The following GALNT17 variants were observed in gnomAD, a reference collection of about 807,000 sequenced individuals.
The protein encoded by GALNT17 is UDP-GalNAc:polypeptide N-acetylgalactosaminyltransferase-like 3.
GALNT17 carries 29 observed loss-of-function variants against 63.7 expected under a neutral mutation model. The ratio of observed to expected loss-of-function variants is 0.46; its 90% CI spans 0.34 to 0.62. The LOEUF (loss-of-function observed/expected upper bound fraction) is 0.62. Ranked by LOEUF, GALNT17 falls within the 20% of genes least tolerant of loss-of-function variation. The pLI is 0.01. For synonymous variants in GALNT17, 305 were observed against 318.3 expected (o/e 0.96, Z 0.45); for missense variants, 603 against 799.6 (o/e 0.75, Z 2.97).
intron 1 of GALNT17, among the ~76,000 whole-genome samples, chr7:71,249,775 T>C (rs906719411): frequency 2.0e-5 from 3 of 152,146 alleles, no homozygotes; most frequent in African/African-American, 7.2e-5. Flanking sequence ...AAGAAATTCA[T>C]AGTTGGTGGT....
chr7:71,637,886 A>T (rs1790550341), intron 6 of GALNT17, among the ~76,000 whole-genome samples: 2 of 152,200 alleles, frequency 1.3e-5, no homozygotes, highest in Admixed American at 1.3e-4. Context: ...CAAGCCATAG[A>T]GTTAAGTGAA....
chr7:71,277,187 G>A lies in GALNT17; in HGVS notation c.239-58363G>A, dbSNP rs74609410. Among the ~76,000 whole-genome samples, 16 of 152,282 alleles carry A rather than the reference G, an allele frequency of 1.1e-4. No homozygotes were observed. In the East Asian group the frequency reaches 2.9e-3, roughly 28 times the overall value. ...AAGGAATGAAATCGTGTCCTTTGCA[G>A]CCACATGGGTAGAGCTGGAGACTGT... On this transcript the variant is annotated intron_variant, in intron 1 of 10. Transcript: ENST00000333538.
chr7:71,529,631 AAG>A (rs1788681907), intron 5 of GALNT17, among the ~76,000 whole-genome samples: 1 of 152,228 alleles, frequency 6.6e-6, no homozygotes, highest in East Asian at 1.9e-4. Context: ...CAGACATATT[AAG>A]AGAGACGGCT....
At chr7:71,234,589 A>G (rs1333687111) in intron 1 of GALNT17, among the ~76,000 whole-genome samples, 1 of 152,118 alleles carries the variant, frequency 6.6e-6, no homozygotes, top group Non-Finnish European at 1.5e-5. Flanking sequence ...TGAAGTACAA[A>G]CCAAGGAGGA....
intron 5 of GALNT17, among the ~76,000 whole-genome samples, chr7:71,441,516 G>A (rs1041280831): frequency 6.6e-6 from 1 of 151,658 alleles, no homozygotes; most frequent in East Asian, 1.9e-4. Flanking sequence ...TTTGCAGAAC[G>A]TGCAGGTTTG....
At chr7:71,297,276 C>T (rs1791099729) in intron 1 of GALNT17, among the ~76,000 whole-genome samples, 1 of 152,242 alleles carries the variant, frequency 6.6e-6, no homozygotes, top group Non-Finnish European at 1.5e-5. Flanking sequence ...GGCACAGTGG[C>T]TCATGCCTGT....
intron 6 of GALNT17, among the ~76,000 whole-genome samples, chr7:71,594,676 G>A (rs1384134608): frequency 6.6e-6 from 1 of 152,200 alleles, no homozygotes; most frequent in African/African-American, 2.4e-5. Context: ...AGGCAGGCAG[G>A]AATTCTTGTG....
chr7:71,405,096 T>C (rs1436049182), intron 3 of GALNT17, among the ~76,000 whole-genome samples: 1 of 152,194 alleles, frequency 6.6e-6, no homozygotes, highest in Non-Finnish European at 1.5e-5. Flanking sequence ...TGATAATTAG[T>C]CTGTAATCAG....
At chr7:71,368,633 A>AT (rs1563040054) in intron 2 of GALNT17, among the ~76,000 whole-genome samples, 1 of 152,070 alleles carries the variant, frequency 6.6e-6, no homozygotes, top group Non-Finnish European at 1.5e-5. Flanking sequence ...TTACATATAT[A>AT]TTTTTTTCTT....
intron 5 of GALNT17, among the ~76,000 whole-genome samples, chr7:71,556,314 TGTTAAGGAGACTTG>T (rs1181367346): frequency 2.0e-5 from 3 of 152,168 alleles, no homozygotes; most frequent in African/African-American, 7.2e-5. Flanking sequence ...GCTGAAGTGG[TGTTAAGGAGACTTG>T]GTTAAGGAGA....
chr7:71,561,070 T>C lies in GALNT17; in HGVS notation c.963-10215T>C, dbSNP rs190672349. Among the ~76,000 whole-genome samples the C allele has an allele frequency of 1.9e-3, 295 of 152,280 alleles. 5 individuals carry two copies. In the East Asian group the frequency reaches 0.026, roughly 13 times the overall value. ...CTCTGTCGGCCAGGCTGGAGTGCAGTGGCATGATCTTGGCTCACTGCAACC... is the reference window on the plus strand; with the variant it reads ...CTCTGTCGGCCAGGCTGGAGTGCAGCGGCATGATCTTGGCTCACTGCAACC... On this transcript the variant is annotated intron_variant, in intron 5 of 10. Coordinates refer to ENST00000333538, the MANE Select transcript of GALNT17 (RefSeq NM_022479.3).
chr7:71,235,695 C>T (rs1789875363), intron 1 of GALNT17, among the ~76,000 whole-genome samples: 1 of 152,170 alleles, frequency 6.6e-6, no homozygotes, highest in Non-Finnish European at 1.5e-5. Flanking sequence ...GGGTCTTGCA[C>T]CAAACGAAAG....
intron 1 of GALNT17, among the ~76,000 whole-genome samples, chr7:71,173,729 T>C (rs10081307): frequency 0.3 from 45,902 of 151,944 alleles, 8,036 homozygotes; most frequent in African/African-American, 0.48. Context: ...GCTGAGATTG[T>C]GCCACTGCAC....
At chr7:71,523,930 C>T (rs112286159) in intron 5 of GALNT17, among the ~76,000 whole-genome samples, 7,894 of 151,048 alleles carry the variant, frequency 0.052, 425 homozygotes, top group African/African-American at 0.14. Flanking sequence ...CCATCCTGGC[C>T]AACATGGTGA....
intron 1 of GALNT17, among the ~76,000 whole-genome samples, chr7:71,246,785 C>T (rs986018093): frequency 1.8e-4 from 28 of 151,670 alleles, no homozygotes; most frequent in African/African-American, 6.1e-4. Context: ...GCTGAGAACG[C>T]GCCACTGCAT....
intron 1 of GALNT17, among the ~76,000 whole-genome samples, chr7:71,251,853 A>AC (rs1790203743): frequency 6.6e-6 from 1 of 152,038 alleles, no homozygotes; most frequent in African/African-American, 2.4e-5. Context: ...TACGACTGTC[A>AC]CCCCCAGGGC....
intron 6 of GALNT17, among the ~76,000 whole-genome samples, chr7:71,584,856 G>A (rs1478419665): frequency 1.3e-5 from 2 of 152,074 alleles, no homozygotes; most frequent in East Asian, 1.9e-4. Context: ...TCGAGTTCAC[G>A]CCATTCTCCT....
At chr7:71,518,058 G>A (rs1214150806) in intron 5 of GALNT17, among the ~76,000 whole-genome samples, 4 of 152,166 alleles carry the variant, frequency 2.6e-5, no homozygotes, top group Admixed American at 6.5e-5. Flanking sequence ...AGGGTGGCTG[G>A]AGCAAGTGAG....
intron 7 of GALNT17, among the ~76,000 whole-genome samples, chr7:71,666,367 G>T (rs1790985424): frequency 6.7e-6 from 1 of 148,312 alleles, no homozygotes; most frequent in African/African-American, 2.5e-5. Context: ...ATAATATAAA[G>T]ATTTATATAA....
Sources: gnomAD v4.1 joint callset for allele counts (sites outside exome capture counted in the v4.1 genomes callset) on GRCh38, gnomAD v4.1.1 for gene constraint, MANE v1.5 for transcripts, NCBI Gene and HGNC (gene_info 2026-07-23, HGNC 2026-07-21) for gene names.